Variants in CMSS1 observed in about 807,000 individuals in gnomAD.
The protein encoded by CMSS1 is protein CMSS1.
CMSS1 carries 33 observed loss-of-function variants against 43.5 expected under a neutral mutation model. That is an observed-to-expected ratio of 0.76 (90% CI 0.57 to 1.01). CMSS1 has a LOEUF of 1.01. Among genes scored for constraint, CMSS1 ranks in the 50% least tolerant of loss-of-function variants. The probability of loss-of-function intolerance (pLI) is 0.00; values close to 1 mark genes in which losing one functional copy is unlikely to be tolerated. For missense variants in CMSS1, 313 were observed against 326.4 expected (o/e 0.96, Z 0.32); for synonymous variants, 115 against 117.2 (o/e 0.98, Z 0.12).
chr3:99,897,215 C>T (rs1163500107), intron 1 of CMSS1, among the ~76,000 whole-genome samples: 1 of 151,932 alleles, frequency 6.6e-6, no homozygotes, highest in African/African-American at 2.4e-5. Context: ...AAAAATTAAC[C>T]GGGTGTTGTG....
chr3:100,101,089 G>A (rs2066297235), intron 1 of CMSS1, among the ~76,000 whole-genome samples: 1 of 152,132 alleles, frequency 6.6e-6, no homozygotes, highest in African/African-American at 2.4e-5. Context: ...CTCTGGAGCT[G>A]GGTGGTACAT....
At chr3:99,841,025 A>G (rs1310106283) in intron 1 of CMSS1, among the ~76,000 whole-genome samples, 3 of 152,224 alleles carry the variant, frequency 2.0e-5, no homozygotes, top group Non-Finnish European at 4.4e-5. Context: ...AGGGCAGTGA[A>G]TCTTTCATCT....
intron 2 of CMSS1, among the ~76,000 whole-genome samples, chr3:100,156,919 T>TTTGTTG (rs986731857): frequency 5.9e-5 from 9 of 151,974 alleles, no homozygotes; most frequent in African/African-American, 1.4e-4. Flanking sequence ...CTGGCTGTTT[T>TTTGTTG]TTGTTGTTGT....
At chr3:100,165,947 G>T (rs2067062188) in intron 4 of CMSS1, among the ~76,000 whole-genome samples, 1 of 152,160 alleles carries the variant, frequency 6.6e-6, no homozygotes, top group African/African-American at 2.4e-5. Flanking sequence ...AGTGTGTAAA[G>T]TATGCTCATT....
rs143832095 is a variant in CMSS1, at chr3:99,847,399, G to A, written c.64+29356G>A. Among the ~76,000 whole-genome samples the A allele has an allele frequency of 4.2e-3, 643 of 151,822 alleles. 3 individuals carry two copies. Among genetic ancestry groups the A allele is most frequent in the Middle Eastern group, 6.8e-3 (2 of 294 alleles). On this transcript the variant is annotated intron_variant, in intron 1 of 9. Transcript: ENST00000421999. ...GTGTTCAAGAGTTTATGTCACAGTG[G>A]CTGGTTCCAGATTTGGTTGTAGACA...
At chr3:99,890,942 C>T (rs1055989749) in intron 1 of CMSS1, among the ~76,000 whole-genome samples, 8 of 152,050 alleles carry the variant, frequency 5.3e-5, no homozygotes, top group African/African-American at 1.9e-4. Context: ...AAGGTAGTTT[C>T]CTCTAGAGAG....
chr3:99,912,446 G>A (rs776345631), intron 1 of CMSS1, among the ~76,000 whole-genome samples: 8 of 152,062 alleles, frequency 5.3e-5, no homozygotes, highest in Non-Finnish European at 8.8e-5. Flanking sequence ...GCGTGATCTC[G>A]GCTTACTGCA....
chr3:99,887,041 G>A (rs1207252679), intron 1 of CMSS1, among the ~76,000 whole-genome samples: 1 of 151,758 alleles, frequency 6.6e-6, no homozygotes, highest in Non-Finnish European at 1.5e-5. Context: ...AGAGGCTGAG[G>A]TGGGTGGATC....
intron 1 of CMSS1, among the ~76,000 whole-genome samples, chr3:100,059,671 A>G (rs2065526417): frequency 6.6e-6 from 1 of 152,154 alleles, no homozygotes; most frequent in South Asian, 2.1e-4. Context: ...TACTGTAATG[A>G]AAAGGACCCA....
intron 1 of CMSS1, among the ~76,000 whole-genome samples, chr3:99,914,639 T>G (rs909486077): frequency 2.6e-5 from 4 of 152,366 alleles, no homozygotes; most frequent in Admixed American, 6.5e-5. Context: ...AAATATCTTT[T>G]ACAGAAGGCA....
At chr3:99,982,288 G>A (rs1236022768) in intron 1 of CMSS1, among the ~76,000 whole-genome samples, 1 of 150,798 alleles carries the variant, frequency 6.6e-6, no homozygotes, top group Non-Finnish European at 1.5e-5. Flanking sequence ...ATTTAATCTG[G>A]GGCTGTGTAT....
At chr3:99,971,592 T>G (rs1708824232) in intron 1 of CMSS1, among the ~76,000 whole-genome samples, 1 of 152,164 alleles carries the variant, frequency 6.6e-6, no homozygotes, top group African/African-American at 2.4e-5. Context: ...TCCATCAGCT[T>G]TTGTCTTGTA....
rs374712984 is a variant in CMSS1 at position 99,849,994 on chromosome 3, G to A, written c.64+31951G>A. 69 of 1,610,474 alleles carry A rather than the reference G, an allele frequency of 4.3e-5. No individual in the cohort carries two copies. The African/African-American group carries it at 8.7e-4, about 20-fold the overall frequency. ...GTTTTTTAAATCATCTCTCTCCTTG[G>A]TTACGCTGTACATCTTTTCTTCTAC... On this transcript the variant is annotated intron_variant, in intron 1 of 9. Transcript: ENST00000421999.
intron 1 of CMSS1, among the ~76,000 whole-genome samples, chr3:100,108,005 A>AT (rs1032194202): frequency 1.3e-5 from 2 of 151,988 alleles, no homozygotes; most frequent in Non-Finnish European, 2.9e-5. Flanking sequence ...ATTTTCTGGG[A>AT]TTTTTCTTAA....
At chr3:100,131,279 T>G (rs1387141184) in intron 1 of CMSS1, among the ~76,000 whole-genome samples, 1 of 152,146 alleles carries the variant, frequency 6.6e-6, no homozygotes, top group African/African-American at 2.4e-5. Flanking sequence ...CTAGGGAGCT[T>G]GTAATTTTAA....
At chr3:100,023,689 T>C (rs576654321) in intron 1 of CMSS1, among the ~76,000 whole-genome samples, 1 of 152,252 alleles carries the variant, frequency 6.6e-6, no homozygotes, top group East Asian at 1.9e-4. Flanking sequence ...TGGCCTCATA[T>C]AAACCATGAT....
chr3:100,061,139 TA>T (rs879451507), intron 1 of CMSS1, among the ~76,000 whole-genome samples: 100 of 147,888 alleles, frequency 6.8e-4, no homozygotes, highest in Middle Eastern at 6.9e-3. Context: ...TGTTAAAATT[TA>T]AAAAAAAAAA....
intron 1 of CMSS1, chr3:99,848,283 T>C: frequency 6.2e-7 from 1 of 1,613,896 alleles, no homozygotes; most frequent in Non-Finnish European, 8.5e-7. Context: ...GTCAGTTATA[T>C]ATATTACTTA....
intron 1 of CMSS1, among the ~76,000 whole-genome samples, chr3:100,014,891 C>CTTTTTTTTTTTTTTTTTTTTTT (rs1710284139): frequency 6.2e-4 from 17 of 27,220 alleles, no homozygotes; most frequent in African/African-American, 7.5e-4. Context: ...TTTTTTCTTT[C>CTTTTTTTTTTTTTTTTTTTTTT]TTTCTTTTTT....
Sources: allele counts gnomAD v4.1 joint callset (sites outside exome capture counted in the v4.1 genomes callset), GRCh38; gene constraint gnomAD v4.1.1; transcripts MANE v1.5; gene names NCBI Gene and HGNC (gene_info 2026-07-23, HGNC 2026-07-21).